DPF1: variants seen among roughly 807,000 people sequenced by gnomAD.
DPF1 encodes double PHD fingers 1, also known as zinc finger protein neuro-d4.
Under a neutral mutation model 58.7 loss-of-function variants are expected in DPF1, and 14 were observed. The ratio of observed to expected loss-of-function variants is 0.24; its 90% CI spans 0.16 to 0.37. DPF1 has a LOEUF of 0.37. DPF1 is among the 10% of genes least tolerant of loss of function. The pLI is 1.00. For missense variants in DPF1, 345 were observed against 529.9 expected, an observed-to-expected ratio of 0.65 and a Z score of 3.43; for synonymous variants, 216 against 216.0, an observed-to-expected ratio of 1.00 and a Z score of 0.00.
At chr19:38,220,284 AAAAG>A (rs756015293) in intron 3 of DPF1, among the ~76,000 whole-genome samples, 6 of 151,116 alleles carry the variant, frequency 4.0e-5, no homozygotes, top group Non-Finnish European at 5.9e-5. Flanking sequence ...AAAGAAAAGA[AAAAG>A]AGAGAGAGAG....
intron 3 of DPF1, among the ~76,000 whole-genome samples, chr19:38,220,251 A>G (rs1358419929): frequency 1.3e-5 from 2 of 150,922 alleles, no homozygotes; most frequent in Non-Finnish European, 2.9e-5. Flanking sequence ...AAGGAAGGAA[A>G]GAAAGAAAGA....
upstream of DPF1, among the ~76,000 whole-genome samples, chr19:38,225,313 T>A (rs1967769252): frequency 6.6e-6 from 1 of 151,986 alleles, no homozygotes; most frequent in Non-Finnish European, 1.5e-5. Flanking sequence ...CAGTCTGCAA[T>A]CCCAGTACTT....
upstream of DPF1, chr19:38,224,384 T>C: frequency 1.1e-6 from 1 of 938,792 alleles, no homozygotes; most frequent in Non-Finnish European, 1.4e-6. This position sits in a 1 kb window ranked among gnomAD's most constrained non-coding sequence, Gnocchi z 4.5. Flanking sequence ...GCACGCACCG[T>C]CACTCACCCG....
chr19:38,213,088 A>G (rs1675054347), intron 10 of DPF1, among the ~76,000 whole-genome samples: 2 of 151,508 alleles, frequency 1.3e-5, no homozygotes, highest in African/African-American at 4.9e-5. Flanking sequence ...CCTGGGCTCA[A>G]GCCATTCTCC....
upstream of DPF1, among the ~76,000 whole-genome samples, chr19:38,228,298 G>T (rs909113871): frequency 7.3e-6 from 1 of 137,756 alleles, no homozygotes; most frequent in Non-Finnish European, 1.6e-5. Context: ...CCCCATTCCC[G>T]CCAGAAACCA....
At chr19:38,217,376 T>TGGG in intron 7 of DPF1, 84 bp downstream of exon 7, 1 of 1,111,754 alleles carries the variant, frequency 9.0e-7, no homozygotes, top group Non-Finnish European at 1.2e-6. Flanking sequence ...AAATGTCTAA[T>TGGG]GCCCCCCCAC....
chr19:38,222,925 C>T lies in DPF1; in HGVS notation c.30-217G>A. 1.8e-6 allele frequency: 1 copy of T among 570,246 alleles called. No individual in the cohort carries two copies. The highest frequency in any genetic ancestry group is 2.9e-6 in the Non-Finnish European group (1 of 339,790). The allele number at this position is 570,246 out of a possible 1,614,324, so 35.3% of individuals were successfully genotyped here. ...CTGGGACTCAAACAGGCCCCCAGCTCATGAGTAGAAACACGATACAGAAAC... is the reference window on the plus strand; with the variant it reads ...CTGGGACTCAAACAGGCCCCCAGCTTATGAGTAGAAACACGATACAGAAAC... On this transcript the variant is annotated intron_variant, in intron 1 of 11. Coordinates refer to ENST00000355526, the MANE Select transcript of DPF1 (RefSeq NM_001135155.3). The surrounding 1 kb of genome is among the most constrained non-coding windows in gnomAD (Gnocchi z 4.9).
In DPF1 at chr19:38,222,374, G is replaced by T. The variant is rs920542287; in HGVS notation, c.281C>A (p.Pro94His). 1.5e-5 allele frequency: 24 copies of T among 1,590,984 alleles called. No individual in the cohort carries two copies. The highest frequency in any genetic ancestry group is 1.9e-5 in the Non-Finnish European group (22 of 1,173,946). The change falls in exon 3 of 12, where the codon CCC becomes CAC. Residue 94 changes from proline (P) to histidine (H), a missense_variant. Physicochemically the swap from Pro to His is moderately conservative, Grantham distance 77. Coordinates refer to ENST00000355526, the MANE Select transcript of DPF1 (RefSeq NM_001135155.3). The surrounding 1 kb of genome is among the most constrained non-coding windows in gnomAD (Gnocchi z 4.9). Reference protein sequence around the residue: ...LNILEDPRLRPCEYKIDCEAP... With the variant: ...LNILEDPRLRHCEYKIDCEAP... ...GCACCCACCGATCTTGTACTCGCAG[G>T]GCCTGAGTCTGGGGTCCTCCAGGAT...
intron 1 of DPF1, 129 bp downstream of exon 1, chr19:38,223,985 C>A: frequency 8.0e-7 from 1 of 1,247,224 alleles, no homozygotes; most frequent in Non-Finnish European, 1.0e-6. Flanking sequence ...CTCTCGCACC[C>A]CCGCGCAGCC....
chr19:38,218,901 G>A (rs1967237767), intron 4 of DPF1, 30 bp downstream of exon 4: 1 of 1,612,574 alleles, frequency 6.2e-7, no homozygotes, highest in Non-Finnish European at 8.5e-7. Flanking sequence ...ACGAAGCCAT[G>A]CAGCGGGGGT....
intron 1 of DPF1, chr19:38,223,910 G>T: frequency 1.8e-6 from 1 of 565,920 alleles, no homozygotes; most frequent in Non-Finnish European, 2.6e-6. Flanking sequence ...GGCCCCCCAC[G>T]CCCTCCACCC....
intron 10 of DPF1, 26 bp from the exon 11 acceptor site, chr19:38,212,387 G>C: frequency 7.8e-7 from 1 of 1,284,022 alleles, no homozygotes; most frequent in Non-Finnish European, 1.0e-6. Flanking sequence ...CGCCCAGCTG[G>C]CACCCTGGGG....
chr19:38,225,482 T>C (rs1236796156), upstream of DPF1, among the ~76,000 whole-genome samples: 1 of 151,974 alleles, frequency 6.6e-6, no homozygotes, highest in Non-Finnish European at 1.5e-5. Flanking sequence ...AGTGGGAGGA[T>C]AGCTTGAACC....
chr19:38,229,682 C>A (rs1232608221), upstream of DPF1: 6 of 552,922 alleles, frequency 1.1e-5, no homozygotes, highest in South Asian at 1.5e-4. This position sits in a 1 kb window ranked among gnomAD's most constrained non-coding sequence, Gnocchi z 5.3. Flanking sequence ...TGCCGCCCAG[C>A]GCGCTACGAT....
At chr19:38,226,503 TACACACAC>T (rs60328056), upstream of DPF1, among the ~76,000 whole-genome samples, 8 of 133,702 alleles carry the variant, frequency 6.0e-5, no homozygotes, top group African/African-American at 8.5e-5. Context: ...CGGTCACTTC[TACACACAC>T]ACACACACAC....
intron 5 of DPF1, among the ~76,000 whole-genome samples, chr19:38,218,134 G>A (rs1468262158): frequency 2.0e-5 from 3 of 152,148 alleles, no homozygotes; most frequent in Non-Finnish European, 4.4e-5. Context: ...CCCGGGAGGC[G>A]GAGGTTGCAG....
Position 38,224,138 on chromosome 19 carries a change from G to A in DPF1, c.5C>T (p.Ala2Val), listed in dbSNP as rs768436364. 8.8e-6 allele frequency: 13 copies of A among 1,482,502 alleles called. No individual in the cohort carries two copies. Among genetic ancestry groups the A allele is most frequent in the South Asian group, 2.8e-5 (2 of 70,356 alleles). 91.8% of individuals were successfully genotyped at this position (1,482,502 alleles called of 1,614,324 possible). A position where few individuals can be genotyped will look rare whatever the true frequency, so the allele number is the denominator to read the frequency against. The change falls in exon 1 of 12, where the codon GCC becomes GTC. Residue 2 changes from alanine to valine, a missense_variant. Physicochemically the swap from Ala to Val is moderately conservative, Grantham distance 64. Transcript: ENST00000355526. This position sits in a 1 kb window ranked among gnomAD's most constrained non-coding sequence, Gnocchi z 4.5. M[A>V]TVIPGPLSLG... Reference sequence around the variant, plus strand: ...CCTCAGGGGGCCAGGGATGACAGTGGCCATCTTGCTCCCCGGGTCCTGCCC... The same window carrying A: ...CCTCAGGGGGCCAGGGATGACAGTGACCATCTTGCTCCCCGGGTCCTGCCC...
rs1029676788 is a variant in DPF1, at chr19:38,222,842, C to G, written c.30-134G>C. On this transcript the variant is annotated intron_variant, in intron 1 of 11. Coordinates refer to ENST00000355526, the MANE Select transcript of DPF1 (RefSeq NM_001135155.3). The surrounding 1 kb of genome is among the most constrained non-coding windows in gnomAD (Gnocchi z 4.9). ...CGACCCCTCCAGCCTCACCTCTCCC[C>G]TCCTCCCACTCCGGGACCCAGGCTG... 7.9e-7 allele frequency: 1 copy of G among 1,258,610 alleles called. No homozygotes were observed. Among genetic ancestry groups the G allele is most frequent in the East Asian group, 3.0e-5 (1 of 33,586 alleles). The allele number at this position is 1,258,610 out of a possible 1,614,324, so 78.0% of individuals were successfully genotyped here. A position where few individuals can be genotyped will look rare whatever the true frequency, so the allele number is the denominator to read the frequency against.
chr19:38,220,435 C>T (rs1967379522), intron 3 of DPF1, among the ~76,000 whole-genome samples: 1 of 151,806 alleles, frequency 6.6e-6, no homozygotes, highest in South Asian at 2.1e-4. Context: ...TCCTGGCTAA[C>T]ACGGTGAAAC....
Sources: gnomAD v4.1 joint callset for allele counts (sites outside exome capture counted in the v4.1 genomes callset) on GRCh38, gnomAD v4.1.1 for gene constraint, Gnocchi (gnomAD v3.1) non-coding constraint, MANE v1.5 for transcripts, NCBI Gene and HGNC (gene_info 2026-07-23, HGNC 2026-07-21) for gene names.